ZNF606: variants seen among roughly 807,000 people sequenced by gnomAD.
ZNF606 encodes zinc finger protein 606, also known as zinc finger protein 328.
In ZNF606, 37 loss-of-function variants were observed where a neutral mutation model predicts 74.9. The observed-to-expected ratio is 0.49, with a 90% CI of 0.38 to 0.65. The LOEUF (loss-of-function observed/expected upper bound fraction) is 0.65, where lower values mean the gene tolerates loss of function less well. Ranked by LOEUF, ZNF606 falls within the 30% of genes least tolerant of loss-of-function variation. The probability of loss-of-function intolerance (pLI) is 0.00; values close to 1 mark genes in which losing one functional copy is unlikely to be tolerated. For synonymous variants in ZNF606, 328 were observed against 312.4 expected, an observed-to-expected ratio of 1.05 and a Z score of -0.53; for missense variants, 852 against 952.9, an observed-to-expected ratio of 0.89 and a Z score of 1.39.
At position 57,979,423 on chromosome 19, in the gene ZNF606, C is replaced by A. The variant is rs965759697; in HGVS notation, c.1257G>T (p.Lys419Asn). The stretch of plus-strand genomic sequence containing the variant: ...AGGGTTTTTCTCCAGTATGAGTTTT[C>A]TTATGTTGAATAAGGTAAGAGCTCC... The part of the protein sequence containing the change: ...FIWSSYLIQH[K>N]KTHTGEKPYE... Residue 419 changes from lysine (K) to asparagine (N), a missense_variant, in exon 7 of 7, where the codon AAG becomes AAT. Lys to Asn is a moderately conservative substitution (Grantham distance 94). Around this residue, in one of 3 missense-constraint regions of ZNF606, gnomAD observed 545 missense variants for 542.5 expected, o/e 1.00. Transcript: ENST00000551380. 1.2e-6 allele frequency: 2 copies of A among 1,613,884 alleles called. No homozygotes were observed. The highest frequency in any genetic ancestry group is 1.7e-5 in the Admixed American group (1 of 59,966).
chr19:57,988,164 G>A, intron 6 of ZNF606, 43 bp downstream of exon 6: 1 of 1,536,746 alleles, frequency 6.5e-7, no homozygotes, highest in Non-Finnish European at 8.9e-7. Flanking sequence ...AACAAAGAGG[G>A]CTTGGGGGGA....
At chr19:57,988,902 G>C (rs2073208233) in intron 4 of ZNF606, among the ~76,000 whole-genome samples, 181 bp from the exon 5 acceptor site, 1 of 146,166 alleles carries the variant, frequency 6.8e-6, no homozygotes, top group South Asian at 2.1e-4. Flanking sequence ...CCTCATATTT[G>C]TTATATACTC....
intron 1 of ZNF606, among the ~76,000 whole-genome samples, chr19:58,001,875 T>G (rs1017612394): frequency 6.6e-6 from 1 of 152,200 alleles, no homozygotes; most frequent in Non-Finnish European, 1.5e-5. Context: ...GTGAACATTA[T>G]GTTATGCAAA....
chr19:58,000,577 G>T, intron 3 of ZNF606, 106 bp downstream of exon 3: 1 of 1,213,352 alleles, frequency 8.2e-7, no homozygotes, highest in Non-Finnish European at 1.2e-6. Context: ...TGGACCACCT[G>T]CCCTAAAGCC....
chr19:58,002,941 G>T (rs963068811), upstream of ZNF606: 1 of 455,522 alleles, frequency 2.2e-6, no homozygotes, highest in Non-Finnish European at 4.4e-6. Context: ...GGGCGGGGTT[G>T]GGACCTTTCT....
chr19:57,988,915 AG>A (rs2073208544), intron 4 of ZNF606, among the ~76,000 whole-genome samples, 194 bp from the exon 5 acceptor site: 1 of 152,220 alleles, frequency 6.6e-6, no homozygotes, highest in African/African-American at 2.4e-5. Context: ...ATATACTCTT[AG>A]GGAATTAGAT....
chr19:58,002,961 G>C (rs571515043), upstream of ZNF606: 9 of 455,944 alleles, frequency 2.0e-5, no homozygotes, highest in South Asian at 1.4e-4. Flanking sequence ...TGGCACCTGC[G>C]TCGAAGCCGG....
intron 6 of ZNF606, among the ~76,000 whole-genome samples, chr19:57,984,649 T>C (rs1277430838): frequency 6.6e-6 from 1 of 152,218 alleles, no homozygotes; most frequent in Non-Finnish European, 1.5e-5. Context: ...AACTCTGTTA[T>C]GCATGTAACA....
chr19:57,990,510 A>G (rs1277257338), intron 4 of ZNF606, among the ~76,000 whole-genome samples: 1 of 149,586 alleles, frequency 6.7e-6, no homozygotes, highest in Non-Finnish European at 1.5e-5. Flanking sequence ...ACTGCACTCC[A>G]AACTGGGCAG....
intron 4 of ZNF606, among the ~76,000 whole-genome samples, chr19:57,997,026 C>A (rs1157535242): frequency 6.6e-6 from 1 of 152,188 alleles, no homozygotes; most frequent in East Asian, 1.9e-4. Context: ...CAACTGCTCC[C>A]CCTTCAAGGA....
At chr19:57,980,376 A>G (rs1025354818) in intron 6 of ZNF606, 97 bp from the exon 7 acceptor site, 32 of 1,303,040 alleles carry the variant, frequency 2.5e-5, no homozygotes, top group Non-Finnish European at 3.3e-5. Context: ...CAAAAACACT[A>G]GTATAAATTT....
rs1213871213 is a variant in ZNF606 at position 57,978,107 on chromosome 19, G to T, written c.*194C>A. The T allele has an allele frequency of 2.4e-5, 12 of 509,866 alleles. No homozygotes were observed. The South Asian group carries it at 5.0e-4, about 21-fold the overall frequency. 31.6% of individuals were successfully genotyped at this position (509,866 alleles called of 1,614,324 possible). ...TTGTTAATTATCTGATTTTGAGTAA[G>T]GGCTAAATAACTGCTGAAAGCTTTT... On this transcript the variant is annotated 3_prime_UTR_variant, in exon 7 of 7. Transcript: ENST00000551380. The surrounding 1 kb of genome is among the most constrained non-coding windows in gnomAD (Gnocchi z 4.4).
chr19:57,979,663 A>C lies in ZNF606; in HGVS notation c.1017T>G (p.His339Gln). The change falls in exon 7 of 7, where the codon CAT becomes CAG. Residue 339 changes from histidine (H) to glutamine (Q), a missense_variant. Physicochemically the swap from His to Gln is conservative, Grantham distance 24. Around this residue, in one of 3 missense-constraint regions of ZNF606, gnomAD observed 545 missense variants for 542.5 expected, o/e 1.00. Transcript: ENST00000551380. ...TGTAATTATACTGGTTTTCTCCAAC[A>C]TGAAGCCTTGGGTGTTCATTAAATG... The part of the protein sequence containing the change: ...SPSFNEHPRL[H>Q]VGENQYNYKE... The C allele has an allele frequency of 3.1e-6, 5 of 1,613,784 alleles. No individual in the cohort carries two copies. The highest frequency in any genetic ancestry group is 4.2e-6 in the Non-Finnish European group (5 of 1,180,004).
Position 57,979,021 on chromosome 19 carries a change from T to G in ZNF606, c.1659A>C (p.Ser553=), listed in dbSNP as rs761372190. Residue 553 remains serine (S), a synonymous_variant, in exon 7 of 7, where the codon TCA becomes TCC. Coordinates refer to ENST00000551380, the MANE Select transcript of ZNF606 (RefSeq NM_001348022.3). The part of the protein sequence containing the change: ...DECEKAFRDY[S]ALSKHERTHS... ...GAGTTCTTTCATGTTTACTAAGGGC[T>G]GAGTAGTCCCTAAAAGCTTTTTCAC... 29 of 1,613,968 alleles carry G rather than the reference T, an allele frequency of 1.8e-5. No individual in the cohort carries two copies. Among genetic ancestry groups the G allele is most frequent in the Non-Finnish European group, 2.3e-5 (27 of 1,180,008 alleles).
rs1359083674 is a variant in ZNF606, at chr19:57,977,274, C to T, written c.*1027G>A. The T allele has an allele frequency of 6.6e-6, 1 of 152,130 alleles. No individual in the cohort carries two copies. Among genetic ancestry groups the T allele is most frequent in the Non-Finnish European group, 1.5e-5 (1 of 68,030 alleles). 9.4% of individuals were successfully genotyped at this position (152,130 alleles called of 1,614,324 possible). A position where few individuals can be genotyped will look rare whatever the true frequency, so the allele number is the denominator to read the frequency against. Reference sequence around the variant, plus strand: ...TTCAACATCTCTGCTTCAGCTTAGCCATTTGTAAAACTGGGGTAACAGTAC... The same window carrying T: ...TTCAACATCTCTGCTTCAGCTTAGCTATTTGTAAAACTGGGGTAACAGTAC... On this transcript the variant is annotated 3_prime_UTR_variant, in exon 7 of 7. Transcript: ENST00000551380.
In ZNF606 at chr19:57,978,354, G is replaced by A. The variant is rs1478836007; in HGVS notation, c.2326C>T (p.His776Tyr). Residue 776 changes from histidine (H) to tyrosine (Y), a missense_variant, in exon 7 of 7, where the codon CAC becomes TAC. His to Tyr is a moderately conservative substitution (Grantham distance 83). Coordinates refer to ENST00000551380, the MANE Select transcript of ZNF606 (RefSeq NM_001348022.3). This position sits in a 1 kb window ranked among gnomAD's most constrained non-coding sequence, Gnocchi z 4.4. ...CTCTGGTGTTGAAGTAGGGCTGAGTGACCACTAAAGGCTTTTCCACATTCA... is the reference window on the plus strand; with the variant it reads ...CTCTGGTGTTGAAGTAGGGCTGAGTAACCACTAAAGGCTTTTCCACATTCA... ...CSECGKAFSG[H>Y]SALLQHQRNH... The A allele has an allele frequency of 2.5e-6, 4 of 1,600,366 alleles. No individual in the cohort carries two copies. Among genetic ancestry groups the A allele is most frequent in the Non-Finnish European group, 3.4e-6 (4 of 1,170,060 alleles).
chr19:57,993,784 C>A (rs1045564034), intron 4 of ZNF606, among the ~76,000 whole-genome samples: 2 of 152,170 alleles, frequency 1.3e-5, no homozygotes, highest in Non-Finnish European at 2.9e-5. Flanking sequence ...AGCTCTATAT[C>A]TATGAAACTG....
At chr19:58,000,594 G>A (rs1269249131) in intron 3 of ZNF606, 89 bp downstream of exon 3, 3 of 1,406,056 alleles carry the variant, frequency 2.1e-6, no homozygotes, top group Non-Finnish European at 3.0e-6. Flanking sequence ...AGCCCCACCT[G>A]GTCCCCATTC....
Position 58,002,786 on chromosome 19 carries a change from C to A in ZNF606, c.-442G>T, listed in dbSNP as rs1416898425. The A allele has an allele frequency of 4.4e-6, 2 of 452,990 alleles. No individual in the cohort carries two copies. The highest frequency in any genetic ancestry group is 2.4e-5 in the Admixed American group (1 of 42,220). The allele number at this position is 452,990 out of a possible 1,614,324, so 28.1% of individuals were successfully genotyped here. On this transcript the variant is annotated 5_prime_UTR_variant, in exon 1 of 7. Transcript: ENST00000551380. Reference sequence around the variant, plus strand: ...GCCTGAGCAAAGGCCTCACCTCAGCCGCGGACAATGGCGGCTGCTTCCCCG... The same window carrying A: ...GCCTGAGCAAAGGCCTCACCTCAGCAGCGGACAATGGCGGCTGCTTCCCCG...
Sources: allele counts gnomAD v4.1 joint callset (sites outside exome capture counted in the v4.1 genomes callset), GRCh38; gene constraint gnomAD v4.1.1; regional missense constraint gnomAD v4.1.1; non-coding constraint Gnocchi (gnomAD v3.1); transcripts MANE v1.5; gene names NCBI Gene and HGNC (gene_info 2026-07-23, HGNC 2026-07-21).